Variants in UBAC2 observed in about 807,000 individuals in gnomAD.
UBAC2 encodes UBA domain containing 2.
UBAC2 carries 26 observed loss-of-function variants against 44.0 expected under a neutral mutation model. That is an observed-to-expected ratio of 0.59 (90% CI 0.43 to 0.82). The LOEUF (loss-of-function observed/expected upper bound fraction) is 0.82. Among genes scored for constraint, UBAC2 ranks in the 40% least tolerant of loss-of-function variants. The pLI is 0.00. For synonymous variants in UBAC2, 155 were observed against 154.3 expected, an observed-to-expected ratio of 1.00 and a Z score of -0.04; for missense variants, 329 against 419.4, an observed-to-expected ratio of 0.78 and a Z score of 1.88.
chr13:99,312,992 T>G (rs925717107), intron 4 of UBAC2: 1 of 152,698 alleles, frequency 6.5e-6, no homozygotes, highest in African/African-American at 2.4e-5. Context: ...TTTGTTTGTT[T>G]GTTTTTTGAG....
chr13:99,276,359 G>A (rs372518197), intron 4 of UBAC2, among the ~76,000 whole-genome samples: 1 of 152,146 alleles, frequency 6.6e-6, no homozygotes, highest in African/African-American at 2.4e-5. Context: ...GTAAATTGGG[G>A]GTTCCCACAA....
intron 4 of UBAC2, among the ~76,000 whole-genome samples, chr13:99,251,286 TA>T (rs1255950022): frequency 6.6e-6 from 1 of 152,206 alleles, no homozygotes; most frequent in East Asian, 1.9e-4. Flanking sequence ...GCAGAGTCTT[TA>T]GGGTTTTCTA....
rs77374309 is a variant in UBAC2 at position 99,249,669 on chromosome 13, G to A, written c.389+5045G>A. Among the ~76,000 whole-genome samples the A allele has an allele frequency of 6.6e-3, 1,000 of 152,280 alleles. 14 individuals are homozygous for A. Among genetic ancestry groups the A allele is most frequent in the African/African-American group, 0.023 (953 of 41,550 alleles). On this transcript the variant is annotated intron_variant, in intron 4 of 8. Transcript: ENST00000403766. The stretch of plus-strand genomic sequence containing the variant: ...TTACATTCCCACCAACAGTGTATAA[G>A]TGTTCCCTTTTCTCACTTATATACA...
intron 6 of UBAC2, among the ~76,000 whole-genome samples, chr13:99,330,458 C>A (rs1173529564): frequency 1.2e-3 from 55 of 46,042 alleles, no homozygotes; most frequent in Admixed American, 2.1e-3. Flanking sequence ...GACGTCATCT[C>A]AAAAAAAAAA....
chr13:99,309,119 CTT>C (rs796877414), intron 4 of UBAC2, among the ~76,000 whole-genome samples: 1 of 145,890 alleles, frequency 6.9e-6, no homozygotes, highest in Non-Finnish European at 1.5e-5. Context: ...TCCCAACCTT[CTT>C]TTTTTTTTTT....
intron 5 of UBAC2, among the ~76,000 whole-genome samples, chr13:99,317,146 T>G (rs2044503421): frequency 6.6e-6 from 1 of 152,202 alleles, no homozygotes; most frequent in Non-Finnish European, 1.5e-5. Context: ...GTGTCTGTCT[T>G]CTTTCTGTGT....
intron 4 of UBAC2, chr13:99,294,813 G>T: frequency 3.1e-6 from 1 of 324,078 alleles, no homozygotes; most frequent in Admixed American, 4.5e-5. Flanking sequence ...TATTAAGAGC[G>T]CCTCCTTTTG....
chr13:99,380,096 T>G (rs1289712432), intron 8 of UBAC2, among the ~76,000 whole-genome samples: 1 of 152,184 alleles, frequency 6.6e-6, no homozygotes, highest in Non-Finnish European at 1.5e-5. Flanking sequence ...AACTACATGT[T>G]GTGGCCTGCA....
chr13:99,375,463 G>A (rs941088249), intron 8 of UBAC2, among the ~76,000 whole-genome samples: 10 of 152,204 alleles, frequency 6.6e-5, no homozygotes, highest in Non-Finnish European at 1.5e-4. Context: ...AGCACATCTG[G>A]GCTCCCCCAA....
At chr13:99,242,979 T>C (rs1474479329) in intron 2 of UBAC2, among the ~76,000 whole-genome samples, 1 of 145,142 alleles carries the variant, frequency 6.9e-6, no homozygotes, top group Non-Finnish European at 1.5e-5. Flanking sequence ...CGCTCCTCAC[T>C]TCCTAGATGG....
chr13:99,305,213 A>G (rs1311479623), intron 4 of UBAC2, among the ~76,000 whole-genome samples: 1 of 152,224 alleles, frequency 6.6e-6, no homozygotes, highest in Non-Finnish European at 1.5e-5. Context: ...ATTTAACAAA[A>G]TATTTTTATT....
intron 4 of UBAC2, among the ~76,000 whole-genome samples, chr13:99,285,856 AAGGCATATGAGATAGCC>A (rs2044012459): frequency 6.6e-6 from 1 of 152,216 alleles, no homozygotes; most frequent in African/African-American, 2.4e-5. Flanking sequence ...AGTATGAGCC[AAGGCATATGAGATAGCC>A]ATTTTCCTGG....
intron 4 of UBAC2, among the ~76,000 whole-genome samples, chr13:99,312,275 A>C (rs2044421957): frequency 6.6e-6 from 1 of 152,248 alleles, no homozygotes; most frequent in South Asian, 2.1e-4. Context: ...TCTTTGTAGA[A>C]GTGAAACATA....
chr13:99,278,750 T>C (rs2043916578), intron 4 of UBAC2, among the ~76,000 whole-genome samples: 1 of 152,206 alleles, frequency 6.6e-6, no homozygotes, highest in Non-Finnish European at 1.5e-5. Context: ...AAATAAACTT[T>C]GTTGATAGGG....
intron 1 of UBAC2, among the ~76,000 whole-genome samples, chr13:99,233,355 C>T (rs1261097768): frequency 6.6e-6 from 1 of 152,160 alleles, no homozygotes; most frequent in African/African-American, 2.4e-5. Flanking sequence ...TCATGATCTG[C>T]TCTCCTCGGT....
rs754922890 is a variant in UBAC2, at chr13:99,367,800, A to G, written c.821A>G (p.Asn274Ser). The G allele has an allele frequency of 3.3e-5, 53 of 1,613,980 alleles. No homozygotes were observed. The highest frequency in any genetic ancestry group is 1.7e-4 in the Middle Eastern group (1 of 6,058). ...RQRQQQGGMI[N>S]WNRLFPPLRQ... Reference sequence around the variant, plus strand: ...ATCTCTTTTTAGGGAGGAATGATCAATTGGAATCGTCTTTTTCCTCCTTTA... The same window carrying G: ...ATCTCTTTTTAGGGAGGAATGATCAGTTGGAATCGTCTTTTTCCTCCTTTA... Residue 274 changes from asparagine (N) to serine (S), a missense_variant, in exon 8 of 9, where the codon AAT becomes AGT. Coordinates refer to ENST00000403766, the MANE Select transcript of UBAC2 (RefSeq NM_001144072.2).
At position 99,248,582 on chromosome 13, in the gene UBAC2, C is replaced by T. The variant is rs117451083; in HGVS notation, c.389+3958C>T. On this transcript the variant is annotated intron_variant, in intron 4 of 8. Coordinates refer to ENST00000403766, the MANE Select transcript of UBAC2 (RefSeq NM_001144072.2). Reference sequence around the variant, plus strand: ...TATTTTTAATAGGACAGGGTTTCACCGTATTGGTCAGGCTGGTCACAAACT... The same window carrying T: ...TATTTTTAATAGGACAGGGTTTCACTGTATTGGTCAGGCTGGTCACAAACT... 1.4e-3 allele frequency among the ~76,000 whole-genome samples: 214 copies of T among 152,230 alleles called. 1 individual carries two copies. In the East Asian group the frequency reaches 0.019, roughly 14 times the overall value.
chr13:99,339,760 A>G (rs2044855682), intron 6 of UBAC2, among the ~76,000 whole-genome samples: 1 of 152,230 alleles, frequency 6.6e-6, no homozygotes, highest in Non-Finnish European at 1.5e-5. Context: ...AGGTTGGTTT[A>G]TAAATGGAAC....
intron 6 of UBAC2, among the ~76,000 whole-genome samples, chr13:99,323,487 T>C (rs909932597): frequency 1.3e-5 from 2 of 152,118 alleles, no homozygotes; most frequent in Non-Finnish European, 2.9e-5. Context: ...ACCAAAGCCA[T>C]GAGGGTGATG....
Sources: gnomAD v4.1 joint callset for allele counts (sites outside exome capture counted in the v4.1 genomes callset) on GRCh38, gnomAD v4.1.1 for gene constraint, MANE v1.5 for transcripts, NCBI Gene and HGNC (gene_info 2026-07-23, HGNC 2026-07-21) for gene names.